The following KAZN variants were observed in gnomAD, a reference collection of about 807,000 sequenced individuals.
KAZN encodes the protein kazrin, periplakin interacting protein, also known as kazrin.
Under a neutral mutation model 87.4 loss-of-function variants are expected in KAZN, and 40 were observed. The ratio of observed to expected loss-of-function variants is 0.46; its 90% CI spans 0.36 to 0.60. KAZN has a LOEUF of 0.60. Ranked by LOEUF, KAZN falls within the 20% of genes least tolerant of loss-of-function variation. The probability of loss-of-function intolerance (pLI) is 0.00; values close to 1 mark genes in which losing one functional copy is unlikely to be tolerated. For missense variants in KAZN, 898 were observed against 1,073.9 expected (o/e 0.84, Z 2.29); for synonymous variants, 466 against 458.3 (o/e 1.02, Z -0.22).
At chr1:14,365,472 T>C (rs541200039) in intron 2 of KAZN, among the ~76,000 whole-genome samples, 4 of 152,050 alleles carry the variant, frequency 2.6e-5, no homozygotes, top group Admixed American at 1.3e-4. Context: ...AATGATTCTA[T>C]TTCCAAATAA....
At chr1:14,782,354 C>A (rs1487779603) in intron 1 of KAZN, among the ~76,000 whole-genome samples, 5 of 151,804 alleles carry the variant, frequency 3.3e-5, no homozygotes, top group African/African-American at 1.2e-4. Flanking sequence ...TTGAGACTAG[C>A]CTGGCCAAGA....
chr1:14,415,478 T>C (rs982700324), intron 2 of KAZN, among the ~76,000 whole-genome samples: 2 of 152,146 alleles, frequency 1.3e-5, no homozygotes, highest in Non-Finnish European at 2.9e-5. Context: ...CCAGCTGATT[T>C]CCAACAAACA....
chr1:15,070,542 C>T (rs1473496204), intron 8 of KAZN, among the ~76,000 whole-genome samples: 2 of 152,226 alleles, frequency 1.3e-5, no homozygotes, highest in African/African-American at 2.4e-5. Flanking sequence ...CATGAGCCTG[C>T]GGTCCAGGAG....
chr1:14,499,502 T>G (rs1670125922), intron 2 of KAZN, among the ~76,000 whole-genome samples: 1 of 152,172 alleles, frequency 6.6e-6, no homozygotes, highest in Non-Finnish European at 1.5e-5. Context: ...GGCGCCAGGA[T>G]TGTGCAAAAG....
intron 1 of KAZN, among the ~76,000 whole-genome samples, chr1:14,864,097 C>T (rs1239064040): frequency 6.6e-6 from 1 of 152,180 alleles, no homozygotes; most frequent in East Asian, 1.9e-4. Context: ...CTTCCCATTC[C>T]AGGAAGCCTA....
At chr1:14,728,452 G>C (rs1643522886) in intron 1 of KAZN, among the ~76,000 whole-genome samples, 1 of 152,094 alleles carries the variant, frequency 6.6e-6, no homozygotes, top group Non-Finnish European at 1.5e-5. Context: ...GTTCCTAAGA[G>C]GCCATGGGTT....
chr1:15,013,393 A>G (rs888825523), intron 2 of KAZN, among the ~76,000 whole-genome samples: 9 of 152,200 alleles, frequency 5.9e-5, no homozygotes, highest in Admixed American at 3.9e-4. Context: ...AAAAAAGAGC[A>G]TAAGAAAAAA....
chr1:14,029,127 C>T (rs1350481744), intron 1 of KAZN, among the ~76,000 whole-genome samples: 1 of 135,394 alleles, frequency 7.4e-6, no homozygotes, highest in Non-Finnish European at 1.6e-5. Flanking sequence ...ACATCCTCTC[C>T]AGCACCTGTT....
chr1:14,884,229 T>C (rs1045424184), intron 1 of KAZN, among the ~76,000 whole-genome samples: 9 of 152,044 alleles, frequency 5.9e-5, no homozygotes, highest in South Asian at 2.1e-4. Flanking sequence ...CCGTCTCTAC[T>C]AAAAATACAA....
chr1:15,089,340 G>T (rs1640420932), intron 8 of KAZN, among the ~76,000 whole-genome samples: 1 of 151,174 alleles, frequency 6.6e-6, no homozygotes, highest in Non-Finnish European at 1.5e-5. Flanking sequence ...TCACCTCACT[G>T]AGAGCCCCAC....
chr1:14,469,924 T>A (rs1365568807), intron 2 of KAZN, among the ~76,000 whole-genome samples: 1 of 152,172 alleles, frequency 6.6e-6, no homozygotes, highest in Non-Finnish European at 1.5e-5. Context: ...AATGTCTTGT[T>A]TTATAAAACA....
At chr1:14,370,848 C>T (rs1428188134) in intron 2 of KAZN, among the ~76,000 whole-genome samples, 1 of 152,114 alleles carries the variant, frequency 6.6e-6, no homozygotes, top group East Asian at 1.9e-4. Context: ...CCACGCCTGG[C>T]TAATTTTTGT....
chr1:14,689,178 G>A (rs1442397763), intron 1 of KAZN, among the ~76,000 whole-genome samples: 2 of 151,562 alleles, frequency 1.3e-5, no homozygotes, highest in East Asian at 3.9e-4. Flanking sequence ...CTGGGCGACA[G>A]AGTCAGACTC....
chr1:14,007,680 G>A (rs1640094801), intron 1 of KAZN, among the ~76,000 whole-genome samples: 1 of 152,210 alleles, frequency 6.6e-6, no homozygotes, highest in Non-Finnish European at 1.5e-5. Context: ...CAAATCACTA[G>A]CAGCATCAAG....
chr1:14,593,586 AC>A (rs1290773986), intron 2 of KAZN, among the ~76,000 whole-genome samples: 3 of 152,164 alleles, frequency 2.0e-5, no homozygotes, highest in Admixed American at 6.5e-5. Context: ...AAAGACCTTC[AC>A]CCCAGGGAGC....
intron 10 of KAZN, among the ~76,000 whole-genome samples, chr1:15,095,618 C>T (rs377561955): frequency 6.6e-6 from 1 of 151,446 alleles, no homozygotes; most frequent in East Asian, 1.9e-4. Flanking sequence ...CCCCGCCCCA[C>T]CCCGTTCTGA....
intron 11 of KAZN, among the ~76,000 whole-genome samples, chr1:15,102,571 T>C (rs1249929724): frequency 6.6e-6 from 1 of 152,084 alleles, no homozygotes; most frequent in South Asian, 2.1e-4. Context: ...CTTAGAGTGA[T>C]GTCAGAACCC....
At position 14,530,840 on chromosome 1, in the gene KAZN, G is replaced by A. The variant is rs760331571; in HGVS notation, c.250-68143G>A. Among the ~76,000 whole-genome samples the A allele has an allele frequency of 1.8e-4, 27 of 152,212 alleles. 1 individual carries two copies. Among genetic ancestry groups the A allele is most frequent in the African/African-American group, 7.2e-5 (3 of 41,534 alleles). On this transcript the variant is annotated intron_variant, in intron 2 of 16. Coordinates refer to the KAZN transcript ENST00000636203. ...TGGTTCATGCTTGTAATCCCAGCAC[G>A]TTGGGAGGCTGAGGCAGGAGGATCA...
At chr1:15,083,486 G>A (rs1332627264) in intron 8 of KAZN, among the ~76,000 whole-genome samples, 3 of 152,186 alleles carry the variant, frequency 2.0e-5, no homozygotes, top group Non-Finnish European at 2.9e-5. Context: ...CGGTAGCTTA[G>A]TAAGCATTAG....
Sources: allele counts gnomAD v4.1 joint callset (sites outside exome capture counted in the v4.1 genomes callset), GRCh38; gene constraint gnomAD v4.1.1; transcripts MANE v1.5; gene names NCBI Gene and HGNC (gene_info 2026-07-23, HGNC 2026-07-21).